Variants in LMX1A observed in about 807,000 individuals in gnomAD.
LMX1A encodes LIM homeobox transcription factor 1-alpha.
Under a neutral mutation model 49.1 loss-of-function variants are expected in LMX1A, and 15 were observed. The observed-to-expected ratio is 0.31, with a 90% CI of 0.20 to 0.47. LMX1A has a LOEUF of 0.47. Among genes scored for constraint, LMX1A ranks in the 20% least tolerant of loss-of-function variants. The probability of loss-of-function intolerance (pLI) is 1.00; values close to 1 mark genes in which losing one functional copy is unlikely to be tolerated. For missense variants in LMX1A, 372 were observed against 475.8 expected (o/e 0.78, Z 2.03); for synonymous variants, 167 against 185.7 (o/e 0.90, Z 0.82).
intron 3 of LMX1A, among the ~76,000 whole-genome samples, chr1:165,342,464 A>C (rs1490987566): frequency 6.6e-6 from 1 of 152,150 alleles, no homozygotes; most frequent in Non-Finnish European, 1.5e-5. Flanking sequence ...GGAGAGAAAG[A>C]AAATGGATTC....
In LMX1A at chr1:165,353,352, T is replaced by TCCCC. The variant is rs2101775301; in HGVS notation, c.77-91_77-90insGGGG. 3 of 1,010,838 alleles carry TCCCC rather than the reference T, an allele frequency of 3.0e-6. No individual in the cohort carries two copies. In the East Asian group the frequency reaches 7.8e-5, roughly 26 times the overall value. 62.6% of individuals were successfully genotyped at this position (1,010,838 alleles called of 1,614,324 possible). A position where few individuals can be genotyped will look rare whatever the true frequency, so the allele number is the denominator to read the frequency against. ...GGGACCCGCTCCTGATCCCTTCACA[T>TCCCC]CCACGGATTCCCCCAGCGCCCCCCA... is the stretch of plus-strand genomic sequence containing the variant. On this transcript the variant is annotated intron_variant, in intron 2 of 8. Transcript: ENST00000342310.
intron 3 of LMX1A, among the ~76,000 whole-genome samples, chr1:165,298,964 A>G (rs1379895830): frequency 6.6e-6 from 1 of 152,214 alleles, no homozygotes; most frequent in Non-Finnish European, 1.5e-5. Context: ...TGTCTTCAAT[A>G]ATAATTTTAT....
intron 3 of LMX1A, among the ~76,000 whole-genome samples, chr1:165,299,589 C>T (rs898867657): frequency 6.6e-6 from 1 of 152,164 alleles, no homozygotes; most frequent in African/African-American, 2.4e-5. Flanking sequence ...ATGCGATCTA[C>T]TGAAATCCAG....
At chr1:165,268,911 C>A (rs979643912) in intron 3 of LMX1A, among the ~76,000 whole-genome samples, 1 of 152,190 alleles carries the variant, frequency 6.6e-6, no homozygotes, top group African/African-American at 2.4e-5. Context: ...CATAAAAATC[C>A]TCAAAAGCAG....
At chr1:165,348,162 G>A (rs190384881) in intron 3 of LMX1A, among the ~76,000 whole-genome samples, 17 of 152,196 alleles carry the variant, frequency 1.1e-4, no homozygotes, top group Non-Finnish European at 2.2e-4. Flanking sequence ...TATGTAAAAC[G>A]AGACTGAATA....
chr1:165,295,511 T>C (rs983447426), intron 3 of LMX1A, among the ~76,000 whole-genome samples: 2 of 150,472 alleles, frequency 1.3e-5, no homozygotes, highest in African/African-American at 4.9e-5. Context: ...GACATCACCT[T>C]GACAAACTTG....
At chr1:165,353,581 A>G (rs1055112921) in intron 2 of LMX1A, among the ~76,000 whole-genome samples, 1 of 152,192 alleles carries the variant, frequency 6.6e-6, no homozygotes, top group South Asian at 2.1e-4. Context: ...ATTACATACA[A>G]ATTTGTGCTC....
At chr1:165,343,975 G>T (rs1157052554) in intron 3 of LMX1A, among the ~76,000 whole-genome samples, 1 of 152,142 alleles carries the variant, frequency 6.6e-6, no homozygotes. Context: ...CTCCCAATTT[G>T]ACAGCTAGCT....
At position 165,208,082 on chromosome 1, in the gene LMX1A, G is replaced by T; in HGVS notation, c.798C>A (p.Asn266Lys). The stretch of plus-strand genomic sequence containing the variant: ...GCTTACCAGAGCTCAGCCTCTGGGT[G>T]TTCTGCTGATCTTGCTGCTGCTGCT... Reference protein sequence around the residue: ...RQQQQQQDQQNTQRLSSAQTN... With the variant: ...RQQQQQQDQQKTQRLSSAQTN... Residue 266 changes from asparagine to lysine, a missense_variant, in exon 7 of 9, where the codon AAC (asparagine) becomes AAA (lysine). By Grantham distance (94) the Asn-to-Lys change is moderately conservative. Coordinates refer to ENST00000342310, the MANE Select transcript of LMX1A (RefSeq NM_177398.4). 1 of 1,614,004 alleles carries T rather than the reference G, an allele frequency of 6.2e-7. No homozygotes were observed. The highest frequency in any genetic ancestry group is 1.1e-5 in the South Asian group (1 of 91,038).
intron 3 of LMX1A, among the ~76,000 whole-genome samples, chr1:165,298,308 G>T (rs1033725273): frequency 6.6e-6 from 1 of 152,220 alleles, no homozygotes; most frequent in African/African-American, 2.4e-5. Context: ...GACTCTGGGG[G>T]CTCAAGAGCA....
intron 4 of LMX1A, among the ~76,000 whole-genome samples, chr1:165,227,553 G>GTACATACATACATACA (rs111962996): frequency 0.19 from 28,876 of 150,684 alleles, 2,891 homozygotes; most frequent in Middle Eastern, 0.25. Context: ...TAATACATAC[G>GTACATACATACATACA]TACATACATA....
At chr1:165,245,245 C>T (rs1557236) in intron 4 of LMX1A, among the ~76,000 whole-genome samples, 51,067 of 151,780 alleles carry the variant, frequency 0.34, 9,717 homozygotes, top group East Asian at 0.64. Context: ...CTTTGCCCCC[C>T]GCTCTCCTTC....
chr1:165,224,127 T>C (rs1651952312), intron 4 of LMX1A, among the ~76,000 whole-genome samples: 1 of 152,168 alleles, frequency 6.6e-6, no homozygotes. Flanking sequence ...TGAGATCAGA[T>C]TGCTTAAGTG....
intron 4 of LMX1A, among the ~76,000 whole-genome samples, chr1:165,244,741 A>G (rs1261810828): frequency 1.3e-5 from 2 of 152,158 alleles, no homozygotes; most frequent in Non-Finnish European, 2.9e-5. Flanking sequence ...GTGTCTACCA[A>G]TCTCAAGAGC....
intron 3 of LMX1A, among the ~76,000 whole-genome samples, chr1:165,334,806 T>C (rs1448692948): frequency 6.6e-6 from 1 of 152,206 alleles, no homozygotes; most frequent in African/African-American, 2.4e-5. Context: ...ACCAGTCTCT[T>C]GATCTCCTGA....
chr1:165,312,760 G>A (rs1655111810), intron 3 of LMX1A, among the ~76,000 whole-genome samples: 1 of 152,230 alleles, frequency 6.6e-6, no homozygotes, highest in African/African-American at 2.4e-5. Context: ...TGGTCCGCCT[G>A]CAGCAGACAC....
rs374849037 is a variant in LMX1A, at chr1:165,210,705, T to C, written c.741A>G (p.Arg247=). Residue 247 remains arginine, a synonymous_variant, in exon 6 of 9, where the codon AGA becomes AGG. Transcript: ENST00000342310. Reference sequence around the variant, plus strand: ...AAAGTAAGAAGCAGGTTACCTTCGCTCTCTGGTTTTGGAACCACACCTGGA... The same window carrying C: ...AAAGTAAGAAGCAGGTTACCTTCGCCCTCTGGTTTTGGAACCACACCTGGA... ...RVVQVWFQNQ[R]AKMKKLARRQ... is the part of the protein sequence containing the mutation. 3 of 1,612,854 alleles carry C rather than the reference T, an allele frequency of 1.9e-6. No homozygotes were observed. Among genetic ancestry groups the C allele is most frequent in the Non-Finnish European group, 2.5e-6 (3 of 1,179,006 alleles).
intron 3 of LMX1A, among the ~76,000 whole-genome samples, chr1:165,306,817 C>A (rs1654932071): frequency 6.6e-6 from 1 of 152,194 alleles, no homozygotes; most frequent in Non-Finnish European, 1.5e-5. Context: ...GCTGCCTCTG[C>A]CTGACTTCCC....
At chr1:165,211,811 G>T (rs1651408972) in intron 5 of LMX1A, among the ~76,000 whole-genome samples, 1 of 152,046 alleles carries the variant, frequency 6.6e-6, no homozygotes, top group African/African-American at 2.4e-5. Context: ...TTGCCTGATT[G>T]CCCAGACCAA....
Sources: allele counts gnomAD v4.1 joint callset (sites outside exome capture counted in the v4.1 genomes callset), GRCh38; gene constraint gnomAD v4.1.1; transcripts MANE v1.5; gene names NCBI Gene and HGNC (gene_info 2026-07-23, HGNC 2026-07-21).